TAFA1: variants seen among roughly 807,000 people sequenced by gnomAD.
TAFA1 encodes the protein TAFA chemokine like family member 1.
TAFA1 carries 4 observed loss-of-function variants against 18.5 expected under a neutral mutation model. The observed-to-expected ratio is 0.22, with a 90% CI of 0.11 to 0.49. The LOEUF (loss-of-function observed/expected upper bound fraction) is 0.49. Ranked by LOEUF, TAFA1 falls within the 20% of genes least tolerant of loss-of-function variation. TAFA1 has a pLI of 0.98. For missense variants in TAFA1, 147 were observed against 169.0 expected (o/e 0.87, Z 0.72); for synonymous variants, 56 against 55.2 (o/e 1.01, Z -0.06).
chr3:68,489,393 A>G (rs970623738), intron 3 of TAFA1, among the ~76,000 whole-genome samples: 1 of 152,174 alleles, frequency 6.6e-6, no homozygotes, highest in African/African-American at 2.4e-5. Flanking sequence ...TTTTTTCATT[A>G]TTAAATGTTT....
intron 2 of TAFA1, among the ~76,000 whole-genome samples, chr3:68,135,664 G>T (rs866072432): frequency 6.6e-6 from 1 of 152,176 alleles, no homozygotes; most frequent in African/African-American, 2.4e-5. Context: ...AATATCAGCG[G>T]TATTTTTTGT....
chr3:68,308,148 G>A (rs1289295100), intron 2 of TAFA1, among the ~76,000 whole-genome samples: 1 of 151,984 alleles, frequency 6.6e-6, no homozygotes, highest in Non-Finnish European at 1.5e-5. Flanking sequence ...TGATTTATAA[G>A]CCAATAATAT....
intron 3 of TAFA1, among the ~76,000 whole-genome samples, chr3:68,534,599 C>T (rs533926283): frequency 2.0e-4 from 30 of 152,190 alleles, no homozygotes; most frequent in African/African-American, 7.2e-4. Flanking sequence ...AGAGGCAACT[C>T]TAATGTGAAT....
At chr3:68,329,216 CTTTTTTTTTTTTT>C (rs10681423) in intron 2 of TAFA1, among the ~76,000 whole-genome samples, 2 of 88,988 alleles carry the variant, frequency 2.2e-5, no homozygotes, top group African/African-American at 4.5e-5. Context: ...GCCTGGCTGC[CTTTTTTTTTTTTT>C]TTTTTTTTTT....
At chr3:68,093,960 A>G (rs1316764344) in intron 2 of TAFA1, among the ~76,000 whole-genome samples, 2 of 151,998 alleles carry the variant, frequency 1.3e-5, no homozygotes, top group Non-Finnish European at 2.9e-5. Flanking sequence ...TGCAATTTAC[A>G]TATATTTTTC....
At chr3:68,220,899 C>T (rs76817227) in intron 2 of TAFA1, among the ~76,000 whole-genome samples, 12,429 of 152,160 alleles carry the variant, frequency 0.082, 744 homozygotes, top group African/African-American at 0.16. Flanking sequence ...AGATTGTCCC[C>T]ACTGGCACCA....
intron 2 of TAFA1, among the ~76,000 whole-genome samples, chr3:68,113,854 C>T (rs1200920301): frequency 6.9e-6 from 1 of 145,634 alleles, no homozygotes; most frequent in African/African-American, 2.5e-5. Flanking sequence ...CAGTAAAATG[C>T]AGCAGAAGTG....
intron 2 of TAFA1, among the ~76,000 whole-genome samples, chr3:68,338,128 C>A (rs1229875340): frequency 6.6e-6 from 1 of 152,202 alleles, no homozygotes; most frequent in African/African-American, 2.4e-5. Context: ...TGCTATGGAT[C>A]TTTCATGCCT....
chr3:68,051,138 C>T (rs956142599), intron 2 of TAFA1, among the ~76,000 whole-genome samples: 2 of 152,044 alleles, frequency 1.3e-5, no homozygotes, highest in African/African-American at 4.8e-5. Context: ...ATATACCTGG[C>T]TCGTAGGGTT....
intron 2 of TAFA1, among the ~76,000 whole-genome samples, chr3:68,401,959 C>T (rs556784893): frequency 7.2e-5 from 11 of 152,222 alleles, no homozygotes; most frequent in Non-Finnish European, 1.2e-4. Context: ...ACATTAATAA[C>T]TGCTACAGCT....
At chr3:68,288,257 C>T (rs1026042418) in intron 2 of TAFA1, among the ~76,000 whole-genome samples, 1 of 152,146 alleles carries the variant, frequency 6.6e-6, no homozygotes. Flanking sequence ...GGGTTCCAGG[C>T]CCACGTGGAT....
intron 3 of TAFA1, among the ~76,000 whole-genome samples, chr3:68,490,073 C>A (rs1605980): frequency 0.22 from 33,508 of 151,536 alleles, 4,087 homozygotes; most frequent in Admixed American, 0.28. Flanking sequence ...AGAGCTCAAG[C>A]TTTCAAGTGA....
At chr3:68,345,099 C>G (rs2069144223) in intron 2 of TAFA1, among the ~76,000 whole-genome samples, 2 of 151,722 alleles carry the variant, frequency 1.3e-5, no homozygotes, top group African/African-American at 2.4e-5. Context: ...AGATTGGCAT[C>G]ATATGGAGTG....
At chr3:68,296,780 A>T (rs1469677528) in intron 2 of TAFA1, among the ~76,000 whole-genome samples, 1 of 152,196 alleles carries the variant, frequency 6.6e-6, no homozygotes, top group Admixed American at 6.5e-5. Flanking sequence ...ACAATGGTGA[A>T]AAGATACAGA....
intron 2 of TAFA1, among the ~76,000 whole-genome samples, chr3:68,118,740 T>C (rs2065352743): frequency 6.6e-6 from 1 of 152,234 alleles, no homozygotes; most frequent in South Asian, 2.1e-4. Flanking sequence ...TACACCATTG[T>C]GTGTATATAA....
At chr3:68,410,870 A>G (rs1268539230) in intron 2 of TAFA1, among the ~76,000 whole-genome samples, 1 of 152,212 alleles carries the variant, frequency 6.6e-6, no homozygotes. Context: ...AGTCCGAAAG[A>G]TATTTGCATG....
At chr3:68,294,373 T>A (rs1575754224) in intron 2 of TAFA1, among the ~76,000 whole-genome samples, 2 of 152,168 alleles carry the variant, frequency 1.3e-5, no homozygotes, top group South Asian at 4.1e-4. Context: ...ATGTAATTGG[T>A]GGAAAAATTT....
chr3:68,405,707 A>T (rs1190341837), intron 2 of TAFA1, among the ~76,000 whole-genome samples: 2 of 71,262 alleles, frequency 2.8e-5, no homozygotes, highest in African/African-American at 7.4e-5. Flanking sequence ...CTCAAAAAAA[A>T]AAAAAAAAAA....
chr3:68,297,189 T>C (rs1318619613), intron 2 of TAFA1, among the ~76,000 whole-genome samples: 1 of 152,164 alleles, frequency 6.6e-6, no homozygotes, highest in African/African-American at 2.4e-5. Context: ...CAAAACACAG[T>C]AGACCCTGTC....
Sources: allele counts gnomAD v4.1 joint callset (sites outside exome capture counted in the v4.1 genomes callset), GRCh38; gene constraint gnomAD v4.1.1; transcripts MANE v1.5; gene names NCBI Gene and HGNC (gene_info 2026-07-23, HGNC 2026-07-21).